Variants in ADORA2B observed in about 807,000 individuals in gnomAD.
ADORA2B encodes adenosine A2b receptor.
In ADORA2B, 18 loss-of-function variants were observed where a neutral mutation model predicts 20.8. That is an observed-to-expected ratio of 0.87 (90% CI 0.60 to 1.29). ADORA2B has a LOEUF of 1.29. ADORA2B is among the 50% of genes most tolerant of loss of function. ADORA2B has a pLI of 0.00. For missense variants in ADORA2B, 441 were observed against 422.7 expected, an observed-to-expected ratio of 1.04 and a Z score of -0.38; for synonymous variants, 179 against 178.3, an observed-to-expected ratio of 1.00 and a Z score of -0.03.
the ADORA2B span, among the ~76,000 whole-genome samples, chr17:15,911,215 C>A: frequency 6.6e-6 from 1 of 152,178 alleles, no homozygotes; most frequent in Non-Finnish European, 1.5e-5. Context: ...CAATTCAACC[C>A]GAGAGTTATT....
At chr17:15,878,487 T>G in the ADORA2B span, among the ~76,000 whole-genome samples, 5 of 152,222 alleles carry the variant, frequency 3.3e-5, no homozygotes, top group Admixed American at 3.3e-4. Context: ...TGATATGCAT[T>G]GTCGTCATGA....
chr17:15,961,280 A>AG (rs1491098938), intron 1 of ADORA2B, among the ~76,000 whole-genome samples: 8 of 120,788 alleles, frequency 6.6e-5, no homozygotes, highest in Non-Finnish European at 1.2e-4. Flanking sequence ...TTTCTTGGGG[A>AG]AAAAAAAAAA....
intron 1 of ADORA2B, among the ~76,000 whole-genome samples, chr17:15,960,945 T>A (rs554846541): frequency 6.8e-6 from 1 of 148,024 alleles, no homozygotes; most frequent in Non-Finnish European, 1.5e-5. Context: ...AGGCGGGCGA[T>A]TCACGAGTTC....
At chr17:15,904,596 A>AG in the ADORA2B span, among the ~76,000 whole-genome samples, 37 of 151,596 alleles carry the variant, frequency 2.4e-4, no homozygotes, top group African/African-American at 8.9e-4. Flanking sequence ...CTTGTTAGCC[A>AG]GGATCTTCTG....
At chr17:15,974,489 T>A in intron 1 of ADORA2B, 190 bp from the exon 2 acceptor site, 1 of 545,368 alleles carries the variant, frequency 1.8e-6, no homozygotes, top group East Asian at 2.9e-5. Flanking sequence ...AAGATCTTAC[T>A]GAGTTTTCTA....
Position 15,975,702 on chromosome 17 carries a change from C to A in ADORA2B, c.*360C>A. On this transcript the variant is annotated 3_prime_UTR_variant, in exon 2 of 2. Coordinates refer to ENST00000304222, the MANE Select transcript of ADORA2B (RefSeq NM_000676.4). ...CTATTATAATGCAAATACTTTTTAACTTAGAGGCAATGGAAAAATAAAAGT... is the reference window on the plus strand; with the variant it reads ...CTATTATAATGCAAATACTTTTTAAATTAGAGGCAATGGAAAAATAAAAGT... 1.1e-5 allele frequency: 2 copies of A among 187,088 alleles called. No individual in the cohort carries two copies. The highest frequency in any genetic ancestry group is 5.7e-5 in the Admixed American group (1 of 17,516). The allele number at this position is 187,088 out of a possible 1,614,324, so 11.6% of individuals were successfully genotyped here. A position where few individuals can be genotyped will look rare whatever the true frequency, so the allele number is the denominator to read the frequency against.
In ADORA2B at chr17:15,974,707, G is replaced by A; in HGVS notation, c.364G>A (p.Ala122Thr). ...RYKSLVTGTR[A>T]RGVIAVLWVL... is the part of the protein sequence containing the mutation. ...TAAAAGTTTGGTCACGGGGACCCGAGCAAGAGGGGTCATTGCTGTCCTCTG... is the reference window on the plus strand; with the variant it reads ...TAAAAGTTTGGTCACGGGGACCCGAACAAGAGGGGTCATTGCTGTCCTCTG... Residue 122 changes from alanine to threonine, a missense_variant, in exon 2 of 2, where the codon GCA becomes ACA. Coordinates refer to ENST00000304222, the MANE Select transcript of ADORA2B (RefSeq NM_000676.4). 1 of 1,614,020 alleles carries A rather than the reference G, an allele frequency of 6.2e-7. No homozygotes were observed. The highest frequency in any genetic ancestry group is 8.5e-7 in the Non-Finnish European group (1 of 1,179,944).
chr17:15,913,129 C>G, the ADORA2B span, among the ~76,000 whole-genome samples: 48,655 of 151,732 alleles, frequency 0.32, 8,453 homozygotes, highest in African/African-American at 0.46. Flanking sequence ...AAGCCCATGG[C>G]ACTTGCCCAC....
chr17:15,913,916 G>T, the ADORA2B span, among the ~76,000 whole-genome samples: 1 of 152,200 alleles, frequency 6.6e-6, no homozygotes, highest in Non-Finnish European at 1.5e-5. Flanking sequence ...ACCTCAGAAG[G>T]CCTGGCCACT....
At chr17:15,850,921 CAG>C in the ADORA2B span, among the ~76,000 whole-genome samples, 37 of 152,252 alleles carry the variant, frequency 2.4e-4, no homozygotes, top group South Asian at 4.1e-4. Flanking sequence ...TTGTCGGTAA[CAG>C]GGAGTGAAAC....
intron 1 of ADORA2B, among the ~76,000 whole-genome samples, chr17:15,953,845 C>T (rs1460107385): frequency 6.6e-6 from 1 of 151,950 alleles, no homozygotes; most frequent in Non-Finnish European, 1.5e-5. Flanking sequence ...GAGTTGTCCC[C>T]TGTCTTGGAT....
the ADORA2B span, among the ~76,000 whole-genome samples, chr17:15,907,950 G>A: frequency 1.3e-5 from 2 of 152,206 alleles, no homozygotes; most frequent in African/African-American, 2.4e-5. Context: ...ACAGCAGCAC[G>A]GGGACCCGGG....
chr17:15,920,507 G>C, the ADORA2B span, among the ~76,000 whole-genome samples: 1 of 152,170 alleles, frequency 6.6e-6, no homozygotes, highest in Non-Finnish European at 1.5e-5. Context: ...TAGATCACAA[G>C]GTCAAGAGAT....
At chr17:15,910,515 T>C in the ADORA2B span, among the ~76,000 whole-genome samples, 1 of 152,144 alleles carries the variant, frequency 6.6e-6, no homozygotes, top group African/African-American at 2.4e-5. Context: ...GCCAGGCTCG[T>C]CTCAAACTCC....
chr17:15,907,780 C>T, the ADORA2B span, among the ~76,000 whole-genome samples: 1 of 152,186 alleles, frequency 6.6e-6, no homozygotes, highest in African/African-American at 2.4e-5. Context: ...AGTAATTTAT[C>T]TTGAGGGACT....
the ADORA2B span, among the ~76,000 whole-genome samples, chr17:15,886,890 G>A: frequency 7.7e-6 from 1 of 129,774 alleles, no homozygotes; most frequent in Non-Finnish European, 1.6e-5. Context: ...GCCTTCAGGC[G>A]CTGTGCAGGG....
At chr17:15,868,634 G>A in the ADORA2B span, among the ~76,000 whole-genome samples, 1 of 122,264 alleles carries the variant, frequency 8.2e-6, no homozygotes, top group African/African-American at 3.3e-5. Flanking sequence ...AAAAAAAATA[G>A]CTGGGCGTAG....
the ADORA2B span, among the ~76,000 whole-genome samples, chr17:15,876,421 T>TTTTC: frequency 7.4e-5 from 11 of 149,482 alleles, no homozygotes; most frequent in African/African-American, 1.5e-4. Flanking sequence ...GGTCTTTTTT[T>TTTTC]TTTCTTTCTT....
chr17:15,854,382 T>G, the ADORA2B span, among the ~76,000 whole-genome samples: 1 of 152,256 alleles, frequency 6.6e-6, no homozygotes, highest in Admixed American at 6.5e-5. Flanking sequence ...TATAGTCATC[T>G]TAGTAGATGA....
Sources: allele counts gnomAD v4.1 joint callset (sites outside exome capture counted in the v4.1 genomes callset), GRCh38; gene constraint gnomAD v4.1.1; transcripts MANE v1.5; gene names NCBI Gene and HGNC (gene_info 2026-07-23, HGNC 2026-07-21).